Variants in GPR107 observed in about 807,000 individuals in gnomAD.
GPR107 encodes the protein protein GPR107.
In GPR107, 31 loss-of-function variants were observed where a neutral mutation model predicts 75.5. That is an observed-to-expected ratio of 0.41 (90% confidence interval 0.31 to 0.55). The LOEUF (loss-of-function observed/expected upper bound fraction) is 0.55. Ranked by LOEUF, GPR107 falls within the 20% of genes least tolerant of loss-of-function variation. The probability of loss-of-function intolerance (pLI) is 0.26; values close to 1 mark genes in which losing one functional copy is unlikely to be tolerated. For synonymous variants in GPR107, 267 were observed against 251.3 expected, an observed-to-expected ratio of 1.06 and a Z score of -0.59; for missense variants, 572 against 665.7, an observed-to-expected ratio of 0.86 and a Z score of 1.55.
intron 6 of GPR107, 30 bp from the exon 7 acceptor site, chr9:130,086,390 A>C: frequency 9.5e-7 from 1 of 1,049,678 alleles, no homozygotes; most frequent in Non-Finnish European, 1.5e-6. Context: ...TGCCGGTGTC[A>C]TCCTAAAACA....
At chr9:130,061,807 G>A (rs1829932541) in intron 1 of GPR107, among the ~76,000 whole-genome samples, 1 of 152,124 alleles carries the variant, frequency 6.6e-6, no homozygotes, top group South Asian at 2.1e-4. Context: ...AGCCGGGCAT[G>A]GTGATGGGCA....
chr9:130,056,452 A>C (rs181094367), intron 1 of GPR107, among the ~76,000 whole-genome samples: 3,289 of 151,858 alleles, frequency 0.022, 47 homozygotes, highest in Middle Eastern at 0.034. Flanking sequence ...TCCGTCTCAA[A>C]ATAAATAAAT....
chr9:130,061,788 A>G (rs1387530883), intron 1 of GPR107, among the ~76,000 whole-genome samples: 1 of 152,088 alleles, frequency 6.6e-6, no homozygotes, highest in African/African-American at 2.4e-5. Flanking sequence ...TGTTAAAAAT[A>G]CAAAAATTAG....
chr9:130,133,398 C>T (rs544552245), intron 17 of GPR107, among the ~76,000 whole-genome samples: 1 of 152,318 alleles, frequency 6.6e-6, no homozygotes, highest in East Asian at 1.9e-4. Flanking sequence ...GATGCAGTAA[C>T]CATAGGACAG....
At chr9:130,067,134 C>CT in intron 1 of GPR107, among the ~76,000 whole-genome samples, 2 of 152,284 alleles carry the variant, frequency 1.3e-5, no homozygotes, top group Middle Eastern at 6.8e-3. Context: ...TTTCTTCCCT[C>CT]TTATGTATGC....
chr9:130,110,328 T>A (rs757014683), intron 14 of GPR107: 1 of 1,249,648 alleles, frequency 8.0e-7, no homozygotes, highest in Non-Finnish European at 1.1e-6. Flanking sequence ...GCTTTTGTCA[T>A]GGCCTGGGCA....
At chr9:130,064,001 C>G (rs1829998313) in intron 1 of GPR107, among the ~76,000 whole-genome samples, 1 of 151,332 alleles carries the variant, frequency 6.6e-6, no homozygotes. Flanking sequence ...GACGGGGTTA[C>G]ACCATGCTGG....
intron 6 of GPR107, among the ~76,000 whole-genome samples, chr9:130,084,218 T>C (rs1042396947): frequency 6.7e-6 from 1 of 149,484 alleles, no homozygotes; most frequent in Non-Finnish European, 1.5e-5. Flanking sequence ...GCCAACATAG[T>C]GAAACTCTGT....
At chr9:130,134,193 G>A (rs1181696473) in intron 17 of GPR107, among the ~76,000 whole-genome samples, 2 of 152,158 alleles carry the variant, frequency 1.3e-5, no homozygotes, top group Non-Finnish European at 1.5e-5. Context: ...GCCTAGTTCT[G>A]CTACTCACAG....
intron 14 of GPR107, chr9:130,108,743 G>A (rs951247223): frequency 8.8e-6 from 4 of 455,730 alleles, no homozygotes; most frequent in African/African-American, 4.0e-5. Flanking sequence ...CCCTTCTCCC[G>A]TTTTCTCATT....
intron 14 of GPR107, among the ~76,000 whole-genome samples, chr9:130,120,142 A>G (rs761375003): frequency 6.6e-6 from 1 of 152,210 alleles, no homozygotes; most frequent in Non-Finnish European, 1.5e-5. Context: ...TATTCTAACT[A>G]CATTTCTCAA....
At chr9:130,101,045 C>T in intron 11 of GPR107, 61 bp from the exon 12 acceptor site, 2 of 945,410 alleles carry the variant, frequency 2.1e-6, no homozygotes, top group South Asian at 2.6e-5. Flanking sequence ...GCTATGCAAT[C>T]TAACTGGCAG....
chr9:130,127,718 T>C, intron 16 of GPR107, 152 bp downstream of exon 16: 1 of 594,056 alleles, frequency 1.7e-6, no homozygotes, highest in Non-Finnish European at 3.0e-6. Context: ...TTTTTTAGTT[T>C]TTGAGACAGG....
intron 1 of GPR107, among the ~76,000 whole-genome samples, chr9:130,067,796 G>T (rs1344907318): frequency 7.8e-6 from 1 of 128,564 alleles, no homozygotes; most frequent in African/African-American, 3.0e-5. Flanking sequence ...CCAGGCTGGA[G>T]TGCAGTGGTC....
At chr9:130,081,449 A>G (rs509918) in intron 5 of GPR107, among the ~76,000 whole-genome samples, 60,263 of 151,420 alleles carry the variant, frequency 0.4, 11,949 homozygotes, top group Non-Finnish European at 0.42. Context: ...CGAGGTGGGC[A>G]GATCACAAGG....
chr9:130,098,136 G>A (rs1830924344), intron 9 of GPR107, among the ~76,000 whole-genome samples: 1 of 152,130 alleles, frequency 6.6e-6, no homozygotes, highest in African/African-American at 2.4e-5. Context: ...TCCCACCTCA[G>A]CCTCCCTAAG....
intron 8 of GPR107, among the ~76,000 whole-genome samples, chr9:130,091,518 G>A (rs552204311): frequency 1.9e-4 from 28 of 148,376 alleles, no homozygotes; most frequent in African/African-American, 6.9e-4. Flanking sequence ...GTTATTTGCT[G>A]GTACTCACTT....
chr9:130,131,052 G>A (rs1390653023), intron 17 of GPR107, among the ~76,000 whole-genome samples: 4 of 152,126 alleles, frequency 2.6e-5, no homozygotes, highest in South Asian at 4.1e-4. Context: ...AGGAAAGAAC[G>A]CTTATCTGCG....
intron 12 of GPR107, among the ~76,000 whole-genome samples, 200 bp from the exon 13 acceptor site, chr9:130,104,220 G>A (rs1831104865): frequency 6.6e-6 from 1 of 152,190 alleles, no homozygotes; most frequent in African/African-American, 2.4e-5. Flanking sequence ...ATTACGGCCT[G>A]TGCAGATTCA....
Sources: gnomAD v4.1 joint callset for allele counts (sites outside exome capture counted in the v4.1 genomes callset) on GRCh38, gnomAD v4.1.1 for gene constraint, MANE v1.5 for transcripts, NCBI Gene and HGNC (gene_info 2026-07-23, HGNC 2026-07-21) for gene names.